SGSM1: variants seen among roughly 807,000 people sequenced by gnomAD.
The protein encoded by SGSM1 is small G protein signaling modulator 1, also known as RUN and TBC1 domain containing 2.
Under a neutral mutation model 133.8 loss-of-function variants are expected in SGSM1, and 73 were observed. The observed-to-expected ratio is 0.55, with a 90% CI of 0.45 to 0.66. The LOEUF is 0.66. Among genes scored for constraint, SGSM1 ranks in the 30% least tolerant of loss-of-function variants. The probability of loss-of-function intolerance (pLI) is 0.00; values close to 1 mark genes in which losing one functional copy is unlikely to be tolerated. For synonymous variants in SGSM1, 563 were observed against 573.0 expected (o/e 0.98, Z 0.25); for missense variants, 1,213 against 1,448.1 (o/e 0.84, Z 2.64).
intron 5 of SGSM1, among the ~76,000 whole-genome samples, chr22:24,852,288 G>A (rs1298487926): frequency 6.6e-6 from 1 of 151,924 alleles, no homozygotes; most frequent in African/African-American, 2.4e-5. Context: ...TTTTTATACA[G>A]TTCTATGAAA....
chr22:24,841,650 G>A (rs1187810181), intron 2 of SGSM1, among the ~76,000 whole-genome samples: 2 of 152,252 alleles, frequency 1.3e-5, no homozygotes, highest in Non-Finnish European at 2.9e-5. Context: ...AGGTGATGGT[G>A]ACTTGGACTG....
intron 5 of SGSM1, among the ~76,000 whole-genome samples, chr22:24,851,112 AAAAAAAAG>A (rs1569147409): frequency 6.6e-6 from 1 of 151,476 alleles, no homozygotes. Flanking sequence ...AAAAAAAAAA[AAAAAAAAG>A]AAAAAAAGAA....
intron 22 of SGSM1, among the ~76,000 whole-genome samples, chr22:24,915,134 T>C (rs1038730170): frequency 1.3e-5 from 2 of 152,016 alleles, no homozygotes; most frequent in African/African-American, 4.8e-5. Context: ...GAGGCTGAGA[T>C]AGGAGAATGG....
chr22:24,924,299 AGC>A lies in SGSM1; in HGVS notation c.*26_*27del. 6.2e-7 allele frequency: 1 copy of A among 1,600,344 alleles called. No homozygotes were observed. The highest frequency in any genetic ancestry group is 8.6e-7 in the Non-Finnish European group (1 of 1,168,134). ...AGGGGCACCTCACCCCGGCAGCCTC[AGC>A]CAAGCTGCCCCTGCCCCGCTCCTCT... On this transcript the variant is annotated 3_prime_UTR_variant, in exon 25 of 25. Transcript: ENST00000400358.
chr22:24,842,333 A>AGATT (rs1929854131), intron 2 of SGSM1, among the ~76,000 whole-genome samples: 1 of 152,200 alleles, frequency 6.6e-6, no homozygotes. Flanking sequence ...GACCCCAGAC[A>AGATT]GATTACTCCA....
chr22:24,868,342 C>A, intron 10 of SGSM1, 34 bp from the exon 11 acceptor site: 1 of 1,592,106 alleles, frequency 6.3e-7, no homozygotes, highest in South Asian at 1.1e-5. Flanking sequence ...ATAGTGACTT[C>A]CACTGGGTCT....
intron 21 of SGSM1, among the ~76,000 whole-genome samples, chr22:24,907,944 A>C (rs1933463134): frequency 7.1e-6 from 1 of 141,142 alleles, no homozygotes; most frequent in Admixed American, 7.3e-5. Flanking sequence ...AAGATGTTGC[A>C]GGACTCACAG....
chr22:24,818,913 G>A (rs931518748), intron 2 of SGSM1, among the ~76,000 whole-genome samples: 2 of 151,828 alleles, frequency 1.3e-5, no homozygotes, highest in Non-Finnish European at 2.9e-5. Flanking sequence ...TTGGGAGACC[G>A]AGGCGGGCGG....
At chr22:24,876,932 C>T (rs1485397545) in intron 13 of SGSM1, among the ~76,000 whole-genome samples, 1 of 152,152 alleles carries the variant, frequency 6.6e-6, no homozygotes, top group Non-Finnish European at 1.5e-5. Flanking sequence ...AGTCCTAAAA[C>T]CTCAGTGGCT....
chr22:24,921,462 T>C (rs1391215513), intron 24 of SGSM1, among the ~76,000 whole-genome samples: 1 of 152,128 alleles, frequency 6.6e-6, no homozygotes, highest in African/African-American at 2.4e-5. Context: ...CTGAACCATT[T>C]CTTATCATTA....
chr22:24,866,340 G>A (rs1357712657), intron 9 of SGSM1, among the ~76,000 whole-genome samples: 1 of 152,182 alleles, frequency 6.6e-6, no homozygotes. Context: ...GAGGCTCAGA[G>A]AAACCCTCGA....
chr22:24,900,006 C>A (rs1267508920), intron 19 of SGSM1, among the ~76,000 whole-genome samples: 1 of 149,238 alleles, frequency 6.7e-6, no homozygotes, highest in African/African-American at 2.5e-5. Context: ...AAATGACTTA[C>A]TTGATTATTT....
intron 16 of SGSM1, 51 bp from the exon 17 acceptor site, chr22:24,893,380 C>G: frequency 1.3e-6 from 2 of 1,597,296 alleles, no homozygotes; most frequent in Non-Finnish European, 1.7e-6. Context: ...CTGGCCCTCC[C>G]CAGGCGCCCC....
At chr22:24,816,418 T>TTTC (rs1569131076) in intron 2 of SGSM1, among the ~76,000 whole-genome samples, 2 of 31,168 alleles carry the variant, frequency 6.4e-5, no homozygotes, top group East Asian at 8.8e-3. Flanking sequence ...TTTTTCTTTC[T>TTTC]TTTTTTTTTT....
chr22:24,900,385 T>TTCTCTCTTTCTCTCTTTCTC lies in SGSM1; in HGVS notation c.2611-1445_2611-1444insCTCTTTCTCTCTTTCTCTCT, dbSNP rs1491561814. 7.1e-4 allele frequency among the ~76,000 whole-genome samples: 51 copies of TTCTCTCTTTCTCTCTTTCTC among 71,332 alleles called. 1 individual carries two copies. The highest frequency in any genetic ancestry group is 2.5e-3 in the African/African-American group (47 of 19,034). The allele number at this position is 71,332 out of a possible 152,430, so 46.8% of individuals were successfully genotyped here. A position where few individuals can be genotyped will look rare whatever the true frequency, so the allele number is the denominator to read the frequency against. ...TTTCTTTCTTTCTTTCTTTCTTTCTTTCTTTCTTTCTTTCTTTCTTTCTGT... is the reference window on the plus strand; with the variant it reads ...TTTCTTTCTTTCTTTCTTTCTTTCTTTCTCTCTTTCTCTCTTTCTCTCTTTCTTTCTTTCTTTCTTTCTGT... On this transcript the variant is annotated intron_variant, in intron 19 of 24. Transcript: ENST00000400358.
chr22:24,806,499 G>T lies in SGSM1; in HGVS notation c.63+15G>T. Reference sequence around the variant, plus strand: ...TCAAGAAGGAGGTGGGTGCCGGGGTGGGGGCACTGGGCAGGACTCCCCCGG... The same window carrying T: ...TCAAGAAGGAGGTGGGTGCCGGGGTTGGGGCACTGGGCAGGACTCCCCCGG... On this transcript the variant is annotated intron_variant, in intron 2 of 24. Transcript: ENST00000400358. 1.3e-6 allele frequency: 2 copies of T among 1,505,730 alleles called. No homozygotes were observed. The highest frequency in any genetic ancestry group is 1.8e-6 in the Non-Finnish European group (2 of 1,127,770). The allele number at this position is 1,505,730 out of a possible 1,614,324, so 93.3% of individuals were successfully genotyped here.
chr22:24,900,340 CTTCTTTCTTTCTTTCTTTCTTTCT>C lies in SGSM1; in HGVS notation c.2611-1448_2611-1425del, dbSNP rs201367603. Among the ~76,000 whole-genome samples the C allele has an allele frequency of 2.1e-3, 270 of 126,110 alleles. 4 individuals are homozygous for C. The highest frequency in any genetic ancestry group is 0.015 in the East Asian group (70 of 4,640). The allele number at this position is 126,110 out of a possible 152,430, so 82.7% of individuals were successfully genotyped here. On this transcript the variant is annotated intron_variant, in intron 19 of 24. Transcript: ENST00000400358. Reference sequence around the variant, plus strand: ...CAGCTTTTGTTCTTATTGTTAACCTCTTCTTTCTTTCTTTCTTTCTTTCTTTCTTTCTTTCTTTCTTTCTTTCTT... The same window carrying C: ...CAGCTTTTGTTCTTATTGTTAACCTCTTCTTTCTTTCTTTCTTTCTTTCTT...
rs570306907 is a variant in SGSM1 at position 24,903,294 on chromosome 22, C to T, written c.2735+1337C>T. On this transcript the variant is annotated intron_variant, in intron 20 of 24. Transcript: ENST00000400358. Reference sequence around the variant, plus strand: ...TGCGATCTCGGCTCACTGCAATCTCCGCCTCCTGGGTTCAAGCAATTCTCC... The same window carrying T: ...TGCGATCTCGGCTCACTGCAATCTCTGCCTCCTGGGTTCAAGCAATTCTCC... Among the ~76,000 whole-genome samples the T allele has an allele frequency of 7.3e-5, 11 of 151,498 alleles. No individual in the cohort carries two copies. In the East Asian group the frequency reaches 1.4e-3, roughly 19 times the overall value.
Position 24,847,767 on chromosome 22 carries a change from G to A in SGSM1, c.273G>A (p.Val91=). The A allele has an allele frequency of 6.2e-7, 1 of 1,613,942 alleles. No homozygotes were observed. The highest frequency in any genetic ancestry group is 8.5e-7 in the Non-Finnish European group (1 of 1,179,880). The change falls in exon 4 of 25, where the codon GTG becomes GTA. Residue 91 remains valine (V), a synonymous_variant. Transcript: ENST00000400358. Reference sequence around the variant, plus strand: ...CGGCTGAGGATCTGAGCCGCAAGGTGCAAGACCTGGAGCAGCTGATCGAGA... The same window carrying A: ...CGGCTGAGGATCTGAGCCGCAAGGTACAAGACCTGGAGCAGCTGATCGAGA... ...FPPAEDLSRK[V]QDLEQLIESA...
Sources: gnomAD v4.1 joint callset for allele counts (sites outside exome capture counted in the v4.1 genomes callset) on GRCh38, gnomAD v4.1.1 for gene constraint, MANE v1.5 for transcripts, NCBI Gene and HGNC (gene_info 2026-07-23, HGNC 2026-07-21) for gene names.